The following CAMK1G variants were observed in gnomAD, a reference collection of about 807,000 sequenced individuals.
The protein encoded by CAMK1G is calcium/calmodulin-dependent protein kinase type 1G.
In CAMK1G, 27 loss-of-function variants were observed where a neutral mutation model predicts 54.8. The observed-to-expected ratio is 0.49, with a 90% CI of 0.36 to 0.68. CAMK1G has a LOEUF of 0.68. CAMK1G is among the 30% of genes least tolerant of loss of function. The pLI is 0.00. For synonymous variants in CAMK1G, 238 were observed against 224.9 expected, an observed-to-expected ratio of 1.06 and a Z score of -0.52; for missense variants, 512 against 591.0, an observed-to-expected ratio of 0.87 and a Z score of 1.39.
Position 209,605,584 on chromosome 1 carries a change from C to T in CAMK1G, c.345C>T (p.Tyr115=). ...LFDRILERGV[Y]TEKDASLVIQ... The stretch of plus-strand genomic sequence containing the variant: ...ACCGGATCCTGGAGCGGGGTGTCTA[C>T]ACAGAGAAGGATGCCAGTCTGGTGA... Residue 115 remains tyrosine, a synonymous_variant, in exon 5 of 13, where the codon TAC becomes TAT. Coordinates refer to ENST00000361322, the MANE Select transcript of CAMK1G (RefSeq NM_020439.3). 6.2e-7 allele frequency: 1 copy of T among 1,614,112 alleles called. No individual in the cohort carries two copies. Among genetic ancestry groups the T allele is most frequent in the Non-Finnish European group, 8.5e-7 (1 of 1,179,998 alleles).
chr1:209,589,318 T>A (rs1462540165), intron 1 of CAMK1G, among the ~76,000 whole-genome samples: 1 of 152,152 alleles, frequency 6.6e-6, no homozygotes, highest in East Asian at 1.9e-4. Context: ...CAGGCACTAG[T>A]GTCCCTGAAA....
intron 1 of CAMK1G, among the ~76,000 whole-genome samples, chr1:209,590,677 G>A (rs536764819): frequency 6.6e-5 from 10 of 152,194 alleles, no homozygotes; most frequent in African/African-American, 1.7e-4. Context: ...GCTGGAAGGC[G>A]GCTCTTCATT....
chr1:209,586,815 C>T (rs1352372708), intron 1 of CAMK1G, among the ~76,000 whole-genome samples: 1 of 152,104 alleles, frequency 6.6e-6, no homozygotes, highest in African/African-American at 2.4e-5. Context: ...TCTACAATGG[C>T]CCCTGTGTGT....
chr1:209,610,864 C>G (rs887314884), intron 9 of CAMK1G, among the ~76,000 whole-genome samples: 49 of 152,138 alleles, frequency 3.2e-4, no homozygotes, highest in African/African-American at 1.2e-3. Context: ...ACTATGCACA[C>G]AGCAAGTGTC....
Position 209,605,489 on chromosome 1 carries a change from T to C in CAMK1G, c.297-47T>C, listed in dbSNP as rs1665626363. The C allele has an allele frequency of 2.5e-6, 4 of 1,594,402 alleles. No homozygotes were observed. The East Asian group carries it at 6.7e-5, about 27-fold the overall frequency. On this transcript the variant is annotated intron_variant, in intron 4 of 12. Transcript: ENST00000361322. ...TCAAAGCAAACACCTTCTCATTACT[T>C]TGAGTGAAATGAGAACTGAATTCCT...
intron 8 of CAMK1G, 75 bp downstream of exon 8, chr1:209,609,167 G>A: frequency 1.3e-6 from 2 of 1,574,820 alleles, no homozygotes; most frequent in Non-Finnish European, 1.7e-6. Context: ...CTTAACAAAG[G>A]ATGACAGTCC....
chr1:209,585,436 G>A (rs1665071959), intron 1 of CAMK1G, among the ~76,000 whole-genome samples: 1 of 152,224 alleles, frequency 6.6e-6, no homozygotes, highest in Non-Finnish European at 1.5e-5. Flanking sequence ...GAGGCAACAG[G>A]TTATGTGGTA....
At chr1:209,584,798 A>G (rs1312808739) in intron 1 of CAMK1G, among the ~76,000 whole-genome samples, 1 of 152,208 alleles carries the variant, frequency 6.6e-6, no homozygotes, top group Non-Finnish European at 1.5e-5. Flanking sequence ...TGAAGACAGA[A>G]CAAGGTCCCT....
chr1:209,607,822 G>A (rs1216857541), intron 6 of CAMK1G, 36 bp from the exon 7 acceptor site: 2 of 1,590,642 alleles, frequency 1.3e-6, no homozygotes, highest in East Asian at 2.2e-5. Context: ...CTCTCCTCTT[G>A]CCACCAGCCC....
chr1:209,606,579 G>A, intron 6 of CAMK1G, 136 bp downstream of exon 6: 1 of 977,890 alleles, frequency 1.0e-6, no homozygotes, highest in Admixed American at 2.6e-5. Context: ...CACTTATAAA[G>A]TTTAGGGCCA....
At chr1:209,592,758 T>A (rs935417199) in intron 1 of CAMK1G, among the ~76,000 whole-genome samples, 3 of 152,240 alleles carry the variant, frequency 2.0e-5, no homozygotes, top group Non-Finnish European at 2.9e-5. Flanking sequence ...AAAGTATCCA[T>A]CTTTCCACCT....
intron 4 of CAMK1G, among the ~76,000 whole-genome samples, chr1:209,603,695 C>T (rs1366774847): frequency 6.6e-6 from 1 of 152,184 alleles, no homozygotes; most frequent in African/African-American, 2.4e-5. Context: ...GGCACTGTGG[C>T]TTCAGTCCTT....
rs372645936 is a variant in CAMK1G at position 209,612,112 on chromosome 1, C to T, written c.1236C>T (p.Ala412=). The part of the protein sequence containing the change: ...SLVPMHQGSL[A]AGPCGCCSSC... The stretch of plus-strand genomic sequence containing the variant: ...TGCCCATGCATCAGGGGTCCCTGGC[C>T]GCCGGGCCCTGTGGCTGCTGCTCCA... The change falls in exon 11 of 13, where the codon GCC becomes GCT. Residue 412 remains alanine (A), a synonymous_variant. Transcript: ENST00000361322. 127 of 1,614,060 alleles carry T rather than the reference C, an allele frequency of 7.9e-5. No homozygotes were observed. Among genetic ancestry groups the T allele is most frequent in the Admixed American group, 4.3e-4 (26 of 60,010 alleles).
intron 10 of CAMK1G, 94 bp downstream of exon 10, chr1:209,611,646 C>A: frequency 6.8e-7 from 1 of 1,476,058 alleles, no homozygotes; most frequent in Non-Finnish European, 9.3e-7. Context: ...TTGGGATGTC[C>A]CAGAAGGCAT....
At chr1:209,591,105 T>G (rs551365206) in intron 1 of CAMK1G, among the ~76,000 whole-genome samples, 1 of 151,106 alleles carries the variant, frequency 6.6e-6, no homozygotes, top group East Asian at 2.0e-4. Context: ...TATTCTATCT[T>G]CCTCAGAGAG....
intron 7 of CAMK1G, among the ~76,000 whole-genome samples, chr1:209,608,337 G>C (rs912118125): frequency 1.3e-5 from 2 of 152,134 alleles, no homozygotes; most frequent in Non-Finnish European, 2.9e-5. Flanking sequence ...GCTTTCCCAA[G>C]GCAAAACTGT....
intron 1 of CAMK1G, among the ~76,000 whole-genome samples, chr1:209,584,817 T>C (rs1665053713): frequency 6.6e-6 from 1 of 152,220 alleles, no homozygotes; most frequent in African/African-American, 2.4e-5. Context: ...CTGTCATTCC[T>C]GCTGACCCAA....
intron 3 of CAMK1G, among the ~76,000 whole-genome samples, chr1:209,602,632 A>T (rs561988598): frequency 6.6e-6 from 1 of 152,334 alleles, no homozygotes; most frequent in East Asian, 1.9e-4. Flanking sequence ...TCAAAGCTTT[A>T]TTTCATGCAC....
intron 2 of CAMK1G, among the ~76,000 whole-genome samples, chr1:209,597,053 C>T (rs144225877): frequency 6.6e-6 from 1 of 152,110 alleles, no homozygotes; most frequent in East Asian, 1.9e-4. Context: ...TAGAGCTGAG[C>T]GAAAGAGAAG....
Sources: allele counts gnomAD v4.1 joint callset (sites outside exome capture counted in the v4.1 genomes callset), GRCh38; gene constraint gnomAD v4.1.1; transcripts MANE v1.5; gene names NCBI Gene and HGNC (gene_info 2026-07-23, HGNC 2026-07-21).